Variants in CCBE1 observed in about 807,000 individuals in gnomAD.
CCBE1 encodes the protein collagen and calcium-binding EGF domain-containing protein 1.
CCBE1 carries 37 observed loss-of-function variants against 50.0 expected under a neutral mutation model. That is an observed-to-expected ratio of 0.74 (90% confidence interval 0.57 to 0.97). CCBE1 has a LOEUF of 0.97. CCBE1 is among the 50% of genes least tolerant of loss of function. CCBE1 has a pLI of 0.00. For synonymous variants in CCBE1, 234 were observed against 203.7 expected, an observed-to-expected ratio of 1.15 and a Z score of -1.27; for missense variants, 538 against 523.8, an observed-to-expected ratio of 1.03 and a Z score of -0.26.
chr18:59,620,137 A>G (rs963137110), intron 2 of CCBE1, among the ~76,000 whole-genome samples: 5 of 152,198 alleles, frequency 3.3e-5, no homozygotes, highest in African/African-American at 1.2e-4. Flanking sequence ...AAAGAGACAC[A>G]GTTTTCCCCA....
At chr18:59,598,802 T>C (rs1163225083) in intron 2 of CCBE1, among the ~76,000 whole-genome samples, 2 of 152,292 alleles carry the variant, frequency 1.3e-5, no homozygotes, top group African/African-American at 4.8e-5. Flanking sequence ...ATGATCTTTT[T>C]GAAAACCCTC....
At chr18:59,655,411 A>C (rs187501275) in intron 2 of CCBE1, among the ~76,000 whole-genome samples, 29 of 152,202 alleles carry the variant, frequency 1.9e-4, no homozygotes, top group Non-Finnish European at 2.8e-4. Context: ...CACTGAGTGG[A>C]AACATGTCAA....
At chr18:59,439,492 A>C (rs1298036926) in intron 9 of CCBE1, 51 bp downstream of exon 9, 20 of 1,608,398 alleles carry the variant, frequency 1.2e-5, no homozygotes, top group East Asian at 8.9e-5. Context: ...CAAAACAAAA[A>C]AATCGAAAGT....
At chr18:59,560,153 C>G (rs115557443) in intron 2 of CCBE1, among the ~76,000 whole-genome samples, 1,586 of 152,346 alleles carry the variant, frequency 0.01, 32 homozygotes, top group African/African-American at 0.036. Context: ...ATAGCAGGCA[C>G]AAGCCCTACA....
At chr18:59,532,424 T>C (rs1915088920) in intron 2 of CCBE1, among the ~76,000 whole-genome samples, 1 of 152,168 alleles carries the variant, frequency 6.6e-6, no homozygotes, top group South Asian at 2.1e-4. Context: ...TTAAACTGAC[T>C]CCTTCCAGCC....
At chr18:59,695,403 T>G (rs2054791978) in intron 2 of CCBE1, among the ~76,000 whole-genome samples, 3 of 152,136 alleles carry the variant, frequency 2.0e-5, no homozygotes, top group Non-Finnish European at 4.4e-5. Flanking sequence ...TCTCCTCTAC[T>G]ACCTCTCTCA....
intron 5 of CCBE1, among the ~76,000 whole-genome samples, chr18:59,459,595 A>C (rs771536745): frequency 2.6e-5 from 4 of 152,196 alleles, no homozygotes; most frequent in Non-Finnish European, 5.9e-5. Context: ...GTTGACCAGG[A>C]CGTCTATCCT....
At chr18:59,585,787 C>G (rs1403845586) in intron 2 of CCBE1, among the ~76,000 whole-genome samples, 2 of 152,178 alleles carry the variant, frequency 1.3e-5, no homozygotes, top group Non-Finnish European at 1.5e-5. Flanking sequence ...ACAGCTTAAT[C>G]CACACACATA....
intron 2 of CCBE1, among the ~76,000 whole-genome samples, chr18:59,571,917 G>A (rs2052921334): frequency 6.6e-6 from 1 of 152,188 alleles, no homozygotes; most frequent in Non-Finnish European, 1.5e-5. Context: ...GGTGGCAAAT[G>A]TTGTTTAGAC....
At chr18:59,598,817 C>T (rs2053391405) in intron 2 of CCBE1, among the ~76,000 whole-genome samples, 1 of 152,176 alleles carries the variant, frequency 6.6e-6, no homozygotes, top group Non-Finnish European at 1.5e-5. Context: ...ACCCTCTCTA[C>T]TAAATCTGAG....
chr18:59,605,978 C>T (rs567824232), intron 2 of CCBE1, among the ~76,000 whole-genome samples: 18 of 152,248 alleles, frequency 1.2e-4, no homozygotes, highest in African/African-American at 3.4e-4. Flanking sequence ...CTCGAATGTC[C>T]GAACTGTAGA....
intron 2 of CCBE1, among the ~76,000 whole-genome samples, chr18:59,618,087 A>G (rs901598579): frequency 2.6e-5 from 4 of 152,208 alleles, no homozygotes; most frequent in African/African-American, 9.6e-5. Context: ...TGTATGAGGT[A>G]TATGTCCCCC....
In CCBE1 at chr18:59,439,767, AG is replaced by A. The variant is rs1426333981; in HGVS notation, c.824del (p.Pro275LeufsTer124). The A allele has an allele frequency of 6.2e-7, 1 of 1,614,150 alleles. No homozygotes were observed. The highest frequency in any genetic ancestry group is 2.2e-5 in the East Asian group (1 of 44,866). ...AGCCCCGTGGGCCGGGCTGCCCAGG[AG>A]GGCCTGGCATACCGGGGAAGCCTGG... ...GSPGFPGMPGPPGQPGPRGSM... is the reference protein window; with the variant it reads ...GSPGFPGMPGXPGQPGPRGSM... On this transcript the variant is annotated frameshift_variant, in exon 8 of 11. Coordinates refer to ENST00000439986, the MANE Select transcript of CCBE1 (RefSeq NM_133459.4). LOFTEE classifies it high-confidence loss of function.
chr18:59,581,117 TCAGA>T (rs2053077838), intron 2 of CCBE1, among the ~76,000 whole-genome samples: 1 of 152,162 alleles, frequency 6.6e-6, no homozygotes, highest in African/African-American at 2.4e-5. Context: ...TATAAACTTA[TCAGA>T]CAGAGTTTTA....
At chr18:59,492,217 G>A (rs899186639) in intron 2 of CCBE1, among the ~76,000 whole-genome samples, 12 of 150,596 alleles carry the variant, frequency 8.0e-5, no homozygotes, top group East Asian at 3.9e-4. Flanking sequence ...TAATCCACAT[G>A]CATATTTTAA....
At chr18:59,523,777 C>T (rs1914703891) in intron 2 of CCBE1, among the ~76,000 whole-genome samples, 1 of 152,074 alleles carries the variant, frequency 6.6e-6, no homozygotes, top group Admixed American at 6.6e-5. Context: ...AAGGGTGAGC[C>T]AGGATAAAGT....
At position 59,433,179 on chromosome 18, in the gene CCBE1, T is replaced by C. The variant is rs917522099; in HGVS notation, c.*2729A>G. The C allele has an allele frequency of 3.3e-5, 5 of 152,164 alleles. No individual in the cohort carries two copies. The highest frequency in any genetic ancestry group is 1.2e-4 in the African/African-American group (5 of 41,454). The allele number at this position is 152,164 out of a possible 1,614,324, so 9.4% of individuals were successfully genotyped here. A position where few individuals can be genotyped will look rare whatever the true frequency, so the allele number is the denominator to read the frequency against. On this transcript the variant is annotated 3_prime_UTR_variant, in exon 11 of 11. Coordinates refer to ENST00000439986, the MANE Select transcript of CCBE1 (RefSeq NM_133459.4). ...CCCACCCTAAAAAGAAATTTTTTCT[T>C]TTTAAAAAGTCTCCTTTATTCGAAA...
At chr18:59,629,441 G>A (rs1387602006) in intron 2 of CCBE1, among the ~76,000 whole-genome samples, 2 of 152,158 alleles carry the variant, frequency 1.3e-5, no homozygotes, top group East Asian at 1.9e-4. Flanking sequence ...TTGTTCAACT[G>A]AGTGTGCTGT....
chr18:59,566,037 T>G (rs767298947), intron 2 of CCBE1, among the ~76,000 whole-genome samples: 5 of 152,088 alleles, frequency 3.3e-5, no homozygotes, highest in African/African-American at 4.8e-5. Context: ...TCTATTATCT[T>G]GCATAAGAGA....
Sources: allele counts gnomAD v4.1 joint callset (sites outside exome capture counted in the v4.1 genomes callset), GRCh38; gene constraint gnomAD v4.1.1; transcripts MANE v1.5; gene names NCBI Gene and HGNC (gene_info 2026-07-23, HGNC 2026-07-21).